The following GABRB1 variants were observed in gnomAD, a reference collection of about 807,000 sequenced individuals.
GABRB1 encodes the protein gamma-aminobutyric acid receptor subunit beta-1.
A neutral mutation model predicts 51.6 loss-of-function variants in GABRB1; 17 were observed. That is an observed-to-expected ratio of 0.33 (90% CI 0.23 to 0.49). The LOEUF is 0.49. Ranked by LOEUF, GABRB1 falls within the 20% of genes least tolerant of loss-of-function variation. GABRB1 has a pLI of 0.99. For synonymous variants in GABRB1, 247 were observed against 218.9 expected (o/e 1.13, Z -1.14); for missense variants, 410 against 600.6 (o/e 0.68, Z 3.32).
At chr4:47,172,361 A>G (rs1184218018) in intron 4 of GABRB1, among the ~76,000 whole-genome samples, 1 of 152,210 alleles carries the variant, frequency 6.6e-6, no homozygotes, top group Non-Finnish European at 1.5e-5. Context: ...ACACCTAAAA[A>G]AGTAATCGAA....
At chr4:47,296,269 A>T (rs1723989200) in intron 4 of GABRB1, among the ~76,000 whole-genome samples, 1 of 152,202 alleles carries the variant, frequency 6.6e-6, no homozygotes, top group Non-Finnish European at 1.5e-5. Context: ...TATTAACCTT[A>T]AATGTAAATG....
rs565260006 is a variant in GABRB1, at chr4:47,059,808, C to A, written c.240+27324C>A. ...CTTCTCTGCTGGTAACTTCCAAATA[C>A]CTACCTCTAGCCCTGACACATCCTC... is the stretch of plus-strand genomic sequence containing the variant. On this transcript the variant is annotated intron_variant, in intron 3 of 8. Coordinates refer to ENST00000295454, the MANE Select transcript of GABRB1 (RefSeq NM_000812.4). Among the ~76,000 whole-genome samples the A allele has an allele frequency of 1.9e-4, 29 of 152,276 alleles. No individual in the cohort carries two copies. In the South Asian group the frequency reaches 5.8e-3, roughly 31 times the overall value.
intron 3 of GABRB1, among the ~76,000 whole-genome samples, chr4:47,133,072 C>T (rs2109677011): frequency 6.6e-6 from 1 of 152,298 alleles, no homozygotes; most frequent in Non-Finnish European, 1.5e-5. Flanking sequence ...GGATATACAG[C>T]ATATTATGTT....
At chr4:47,361,737 G>A (rs1327728360) in intron 5 of GABRB1, among the ~76,000 whole-genome samples, 2 of 152,122 alleles carry the variant, frequency 1.3e-5, no homozygotes, top group Non-Finnish European at 2.9e-5. Flanking sequence ...TGGAGAAAAG[G>A]AGGAAGACAT....
chr4:47,140,762 T>TG (rs1457215491), intron 3 of GABRB1, among the ~76,000 whole-genome samples: 2 of 151,144 alleles, frequency 1.3e-5, no homozygotes, highest in South Asian at 2.1e-4. Context: ...AGTTGTTTTT[T>TG]GTTTTTTTTT....
In GABRB1 at chr4:47,037,388, T is replaced by C. The variant is rs551106770; in HGVS notation, c.240+4904T>C. ...GCAGAAACAGGTATTAGCTAGCATG[T>C]AAATACATTTTATTCTTATATGAGT... On this transcript the variant is annotated intron_variant, in intron 3 of 8. Transcript: ENST00000295454. 1.3e-3 allele frequency among the ~76,000 whole-genome samples: 191 copies of C among 152,322 alleles called. 1 individual carries two copies. Among genetic ancestry groups the C allele is most frequent in the African/African-American group, 4.4e-3 (183 of 41,580 alleles).
intron 4 of GABRB1, among the ~76,000 whole-genome samples, chr4:47,263,273 T>G (rs2109882161): frequency 6.6e-6 from 1 of 151,998 alleles, no homozygotes; most frequent in East Asian, 1.9e-4. Context: ...AAGGCAAAAT[T>G]AAATATTGCA....
chr4:47,166,306 G>A (rs559678677), intron 4 of GABRB1, among the ~76,000 whole-genome samples: 3 of 151,468 alleles, frequency 2.0e-5, no homozygotes, highest in East Asian at 1.9e-4. Flanking sequence ...TGCCTCTCCC[G>A]CCTCCCTTTC....
chr4:47,288,180 G>A (rs1012193178), intron 4 of GABRB1, among the ~76,000 whole-genome samples: 2 of 152,088 alleles, frequency 1.3e-5, no homozygotes, highest in Non-Finnish European at 1.5e-5. Flanking sequence ...GAACACTGGT[G>A]TAGTATGTCT....
At chr4:47,302,708 A>G (rs1049779816) in intron 4 of GABRB1, among the ~76,000 whole-genome samples, 2 of 152,012 alleles carry the variant, frequency 1.3e-5, no homozygotes, top group Non-Finnish European at 2.9e-5. Flanking sequence ...ACTAAAATGT[A>G]GCTCTAATTT....
chr4:47,111,453 A>T (rs550186301), intron 3 of GABRB1, among the ~76,000 whole-genome samples: 1 of 151,894 alleles, frequency 6.6e-6, no homozygotes, highest in East Asian at 1.9e-4. Context: ...ATGGATTTAA[A>T]ATTAAGATTA....
chr4:47,245,106 A>C lies in GABRB1; in HGVS notation c.462-75021A>C, dbSNP rs111249053. 1.5e-3 allele frequency among the ~76,000 whole-genome samples: 227 copies of C among 152,278 alleles called. 1 individual carries two copies. Among genetic ancestry groups the C allele is most frequent in the African/African-American group, 5.1e-3 (212 of 41,570 alleles). ...AAATTGATAGACCGCTAGCAAGACT[A>C]ATAAAGAAGAAAAGAGAGAAGAATC... On this transcript the variant is annotated intron_variant, in intron 4 of 8. Transcript: ENST00000295454.
chr4:47,303,802 G>C (rs1217901761), intron 4 of GABRB1, among the ~76,000 whole-genome samples: 1 of 151,848 alleles, frequency 6.6e-6, no homozygotes, highest in Non-Finnish European at 1.5e-5. Context: ...TAGAGTGACT[G>C]ATTATCTCTC....
intron 3 of GABRB1, among the ~76,000 whole-genome samples, chr4:47,111,912 T>C (rs1715229254): frequency 1.3e-5 from 2 of 152,062 alleles, no homozygotes; most frequent in African/African-American, 2.4e-5. Flanking sequence ...AAATATCATT[T>C]GACACATTAA....
chr4:47,295,389 T>A (rs1372198582), intron 4 of GABRB1, among the ~76,000 whole-genome samples: 1 of 152,090 alleles, frequency 6.6e-6, no homozygotes, highest in Non-Finnish European at 1.5e-5. Context: ...ATAACTAGAA[T>A]AACCAATACA....
chr4:47,384,893 G>C (rs551370469), intron 5 of GABRB1, among the ~76,000 whole-genome samples: 2 of 152,156 alleles, frequency 1.3e-5, no homozygotes, highest in South Asian at 4.2e-4. Context: ...ACATCTTTAA[G>C]GATGCCAAAT....
chr4:47,133,208 T>C (rs542185579), intron 3 of GABRB1, among the ~76,000 whole-genome samples: 42 of 152,320 alleles, frequency 2.8e-4, no homozygotes, highest in African/African-American at 9.6e-4. Flanking sequence ...ACATTCAAAC[T>C]ACATAAATTT....
chr4:47,112,868 T>C (rs1715289577), intron 3 of GABRB1, among the ~76,000 whole-genome samples: 1 of 152,198 alleles, frequency 6.6e-6, no homozygotes, highest in Non-Finnish European at 1.5e-5. Context: ...TATGTATAAT[T>C]ATAAAATTAT....
chr4:47,173,268 A>C (rs1406790917), intron 4 of GABRB1, among the ~76,000 whole-genome samples: 1 of 152,148 alleles, frequency 6.6e-6, no homozygotes, highest in Non-Finnish European at 1.5e-5. Flanking sequence ...AGATGATTAA[A>C]CTTCAGTAAC....
Sources: allele counts gnomAD v4.1 joint callset (sites outside exome capture counted in the v4.1 genomes callset), GRCh38; gene constraint gnomAD v4.1.1; transcripts MANE v1.5; gene names NCBI Gene and HGNC (gene_info 2026-07-23, HGNC 2026-07-21).